The following NSMAF variants were observed in gnomAD, a reference collection of about 807,000 sequenced individuals.
The protein encoded by NSMAF is protein FAN.
A neutral mutation model predicts 134.9 loss-of-function variants in NSMAF; 90 were observed. That is an observed-to-expected ratio of 0.67 (90% CI 0.56 to 0.79). The LOEUF is 0.79. Ranked by LOEUF, NSMAF falls within the 30% of genes least tolerant of loss-of-function variation. The pLI is 0.00. For synonymous variants in NSMAF, 358 were observed against 389.6 expected, an observed-to-expected ratio of 0.92 and a Z score of 0.96; for missense variants, 1,010 against 1,119.0, an observed-to-expected ratio of 0.90 and a Z score of 1.39.
chr8:58,605,480 T>C (rs975565332), intron 12 of NSMAF, among the ~76,000 whole-genome samples: 6 of 152,204 alleles, frequency 3.9e-5, no homozygotes, highest in African/African-American at 1.4e-4. Flanking sequence ...ATAAGAGCAT[T>C]TAAATATATT....
At position 58,583,982 on chromosome 8, in the gene NSMAF, A is replaced by G. The variant is rs911783236; in HGVS notation, c.*124T>C. 13 of 786,670 alleles carry G rather than the reference A, an allele frequency of 1.7e-5. No individual in the cohort carries two copies. In the African/African-American group the frequency reaches 2.1e-4, roughly 13 times the overall value. The allele number at this position is 786,670 out of a possible 1,614,324, so 48.7% of individuals were successfully genotyped here. ...ACCATGATTTAGAAAGTTTAAAACCACAAATTTTCCATGTGGTAAAACTTC... is the reference window on the plus strand; with the variant it reads ...ACCATGATTTAGAAAGTTTAAAACCGCAAATTTTCCATGTGGTAAAACTTC... On this transcript the variant is annotated 3_prime_UTR_variant, in exon 31 of 31. Transcript: ENST00000038176.
intron 23 of NSMAF, 109 bp downstream of exon 23, chr8:58,594,123 T>C (rs1806078832): frequency 1.2e-6 from 1 of 859,058 alleles, no homozygotes; most frequent in Admixed American, 2.1e-5. Flanking sequence ...AAGTTTACTT[T>C]ATGTGGAGGC....
chr8:58,588,334 CTTT>C (rs60214509), intron 26 of NSMAF: 193 of 668,296 alleles, frequency 2.9e-4, no homozygotes, highest in Admixed American at 4.2e-4. Context: ...TTGACATTTT[CTTT>C]TTTTTTTTTT....
chr8:58,601,432 TAAAG>T lies in NSMAF; in HGVS notation c.1216+9_1216+12del. 1 of 1,612,206 alleles carries T rather than the reference TAAAG, an allele frequency of 6.2e-7. No homozygotes were observed. The highest frequency in any genetic ancestry group is 8.5e-7 in the Non-Finnish European group (1 of 1,179,192). ...AATAAAATTTAATTGGGGGTAATGA[TAAAG>T]AATCTTACCAATCCTAACAAGATAA... is the stretch of plus-strand genomic sequence containing the variant. On this transcript the variant is annotated intron_variant, in intron 15 of 30. Transcript: ENST00000038176.
intron 26 of NSMAF, chr8:58,588,868 T>C: frequency 1.4e-6 from 1 of 691,200 alleles, no homozygotes; most frequent in African/African-American, 1.8e-5. Context: ...TACTATACAT[T>C]TCTTTCTAAC....
intron 6 of NSMAF, among the ~76,000 whole-genome samples, chr8:58,626,369 C>T (rs915720938): frequency 3.8e-4 from 58 of 152,314 alleles, no homozygotes; most frequent in African/African-American, 1.3e-3. Context: ...GCTGGGATTA[C>T]AGGCATGAGC....
At position 58,625,473 on chromosome 8, in the gene NSMAF, A is replaced by G. The variant is rs574067874; in HGVS notation, c.385-1693T>C. Among the ~76,000 whole-genome samples, 155 of 152,060 alleles carry G rather than the reference A, an allele frequency of 1.0e-3. 2 individuals are homozygous for G. The highest frequency in any genetic ancestry group is 1.9e-3 in the South Asian group (9 of 4,810). On this transcript the variant is annotated intron_variant, in intron 6 of 30. Transcript: ENST00000038176. ...CCTATTGGTTCTGTTTCTCTGGAGA[A>G]CCCTGACTAATGCATTTGTAATTAT...
chr8:58,584,209 A>G lies in NSMAF; in HGVS notation c.2660-9T>C. 3 of 1,609,824 alleles carry G rather than the reference A, an allele frequency of 1.9e-6. No homozygotes were observed. Among genetic ancestry groups the G allele is most frequent in the Non-Finnish European group, 2.5e-6 (3 of 1,176,702 alleles). ...TATACATGTCACAGCACCTGAGAGA[A>G]AGACATTTTGGTTAGTTAGGAAGTT... On this transcript the variant is annotated splice_polypyrimidine_tract_variant and intron_variant, in intron 30 of 30. Transcript: ENST00000038176.
At chr8:58,607,883 A>T (rs919394351) in intron 10 of NSMAF, 43 bp from the exon 11 acceptor site, 28 of 1,509,586 alleles carry the variant, frequency 1.9e-5, no homozygotes, top group Non-Finnish European at 2.3e-5. Context: ...TTGTTCTGAC[A>T]CAATTAGAAG....
chr8:58,621,965 T>G (rs181810828), intron 9 of NSMAF, among the ~76,000 whole-genome samples: 1 of 152,332 alleles, frequency 6.6e-6, no homozygotes, highest in East Asian at 1.9e-4. Flanking sequence ...TAAAAGCTCT[T>G]TAGTTTAATT....
intron 22 of NSMAF, 42 bp downstream of exon 22, chr8:58,595,518 C>A: frequency 1.4e-6 from 2 of 1,423,410 alleles, no homozygotes; most frequent in Non-Finnish European, 2.0e-6. Flanking sequence ...CTAACTTTTA[C>A]CAGGACTATC....
At chr8:58,607,291 A>G (rs1411104375) in intron 11 of NSMAF, among the ~76,000 whole-genome samples, 3 of 152,252 alleles carry the variant, frequency 2.0e-5, no homozygotes, top group Admixed American at 6.5e-5. Context: ...GGAACTGCCT[A>G]TATGATTTTA....
At chr8:58,626,286 AG>A (rs200646297) in intron 6 of NSMAF, among the ~76,000 whole-genome samples, 1 of 132,624 alleles carries the variant, frequency 7.5e-6, no homozygotes, top group Non-Finnish European at 1.7e-5. Flanking sequence ...TAGTAGAGAC[AG>A]GTTTCACAGT....
chr8:58,659,163 G>A, intron 1 of NSMAF: 1 of 1,395,100 alleles, frequency 7.2e-7, no homozygotes, highest in Non-Finnish European at 9.2e-7. Flanking sequence ...GGAAGGATTA[G>A]AAAGGGGGTG....
intron 9 of NSMAF, among the ~76,000 whole-genome samples, chr8:58,611,586 T>A (rs931797046): frequency 2.6e-5 from 4 of 151,826 alleles, no homozygotes; most frequent in African/African-American, 9.7e-5. Flanking sequence ...ATAGAAACTA[T>A]GAAAAAGAAC....
intron 1 of NSMAF, among the ~76,000 whole-genome samples, chr8:58,647,935 G>T (rs1053815799): frequency 2.0e-5 from 3 of 152,224 alleles, no homozygotes; most frequent in Non-Finnish European, 4.4e-5. Context: ...TTGGAACAGG[G>T]TAACAGGCAG....
chr8:58,609,976 G>A (rs2680900), intron 9 of NSMAF, among the ~76,000 whole-genome samples: 140,043 of 152,226 alleles, frequency 0.92, 64,498 homozygotes, highest in East Asian at 0.97. Flanking sequence ...TGACAGACAA[G>A]TAAATAATAC....
Position 58,584,009 on chromosome 8 carries a change from A to G in NSMAF, c.*97T>C. On this transcript the variant is annotated 3_prime_UTR_variant, in exon 31 of 31. Coordinates refer to ENST00000038176, the MANE Select transcript of NSMAF (RefSeq NM_003580.4). ...AAATTTTCCATGTGGTAAAACTTCT[A>G]ATTACTAACATTGCACATTCACCAG... 1 of 956,464 alleles carries G rather than the reference A, an allele frequency of 1.0e-6. No individual in the cohort carries two copies. Among genetic ancestry groups the G allele is most frequent in the East Asian group, 2.5e-5 (1 of 40,286 alleles). The allele number at this position is 956,464 out of a possible 1,614,324, so 59.2% of individuals were successfully genotyped here.
At chr8:58,637,296 A>AGCAATT in intron 2 of NSMAF, 1 of 455,802 alleles carries the variant, frequency 2.2e-6, no homozygotes, top group African/African-American at 2.0e-5. Flanking sequence ...ACTTAGAATC[A>AGCAATT]GCAATTTCTC....
Sources: gnomAD v4.1 joint callset for allele counts (sites outside exome capture counted in the v4.1 genomes callset) on GRCh38, gnomAD v4.1.1 for gene constraint, MANE v1.5 for transcripts, NCBI Gene and HGNC (gene_info 2026-07-23, HGNC 2026-07-21) for gene names.